The following AZIN2 variants were observed in gnomAD, a reference collection of about 807,000 sequenced individuals.
AZIN2 encodes the protein antizyme inhibitor 2, also known as ODC antizyme inhibitor-2.
AZIN2 carries 28 observed loss-of-function variants against 47.8 expected under a neutral mutation model. That is an observed-to-expected ratio of 0.59 (90% CI 0.43 to 0.80). AZIN2 has a LOEUF of 0.80. AZIN2 is among the 30% of genes least tolerant of loss of function. AZIN2 has a pLI of 0.00. For synonymous variants in AZIN2, 221 were observed against 239.4 expected (o/e 0.92, Z 0.71); for missense variants, 535 against 582.5 (o/e 0.92, Z 0.84).
At chr1:33,098,016 C>A in intron 9 of AZIN2, 51 bp from the exon 10 acceptor site, 1 of 1,378,914 alleles carries the variant, frequency 7.3e-7, no homozygotes. Flanking sequence ...GCCCCACTAC[C>A]ACCCCCTCAC....
At chr1:33,110,591 T>G (rs566160719) in intron 10 of AZIN2, among the ~76,000 whole-genome samples, 7 of 152,186 alleles carry the variant, frequency 4.6e-5, no homozygotes, top group African/African-American at 1.7e-4. Context: ...ATATGAAAAT[T>G]GAAATTATGG....
chr1:33,147,236 G>A, the AZIN2 span: 1 of 1,614,062 alleles, frequency 6.2e-7, no homozygotes, highest in Non-Finnish European at 8.5e-7. This position sits in a 1 kb window ranked among gnomAD's most constrained non-coding sequence, Gnocchi z 8.1. Context: ...GCGTGGCTCT[G>A]GCCAGGGCTG....
chr1:33,107,134 A>G (rs1255090184), intron 10 of AZIN2, among the ~76,000 whole-genome samples: 1 of 151,224 alleles, frequency 6.6e-6, no homozygotes, highest in African/African-American at 2.4e-5. Context: ...GAGATACAAA[A>G]TTATCCAGGC....
intron 10 of AZIN2, among the ~76,000 whole-genome samples, chr1:33,099,485 C>G (rs1643485821): frequency 1.3e-5 from 2 of 152,200 alleles, no homozygotes; most frequent in South Asian, 4.1e-4. Flanking sequence ...CCAGGCCAGC[C>G]AGCTTACAGA....
At chr1:33,103,262 C>T (rs1230693740) in intron 10 of AZIN2, among the ~76,000 whole-genome samples, 1 of 152,210 alleles carries the variant, frequency 6.6e-6, no homozygotes, top group African/African-American at 2.4e-5. Context: ...CTTACCACAA[C>T]GAGCAAGGCT....
the AZIN2 span, chr1:33,160,078 C>A: frequency 8.7e-7 from 1 of 1,154,088 alleles, no homozygotes; most frequent in Admixed American, 2.5e-5. Flanking sequence ...GGGGAAATGT[C>A]ACATGCAAAA....
chr1:33,085,527 A>G (rs1167833590), intron 5 of AZIN2, among the ~76,000 whole-genome samples: 1 of 151,740 alleles, frequency 6.6e-6, no homozygotes, highest in Admixed American at 6.6e-5. Context: ...CATTAGCACT[A>G]TTTTCTTGGT....
chr1:33,118,107 G>A lies in AZIN2; in HGVS notation c.1235G>A (p.Arg412Gln), dbSNP rs758925873. 8.6e-6 allele frequency: 13 copies of A among 1,508,546 alleles called. No individual in the cohort carries two copies. Among genetic ancestry groups the A allele is most frequent in the East Asian group, 2.4e-5 (1 of 42,370 alleles). The allele number at this position is 1,508,546 out of a possible 1,614,324, so 93.4% of individuals were successfully genotyped here. A position where few individuals can be genotyped will look rare whatever the true frequency, so the allele number is the denominator to read the frequency against. Reference protein sequence around the residue: ...QACHITYAMSRVAWEALRRQL... With the variant: ...QACHITYAMSQVAWEALRRQL... ...TGCCACATCACCTATGCCATGTCCC[G>A]GGTGGCCTGGTAAGAGGGCCCTGCT... The change falls in exon 11 of 12, where the codon CGG (arginine) becomes CAG (glutamine). Residue 412 changes from arginine to glutamine, a missense_variant. By Grantham distance (43) the Arg-to-Gln change is conservative (BLOSUM62 1). This residue lies in a region of AZIN2 where 122 missense variants were observed against 135.8 expected (regional missense o/e 0.90). Coordinates refer to ENST00000294517, the MANE Select transcript of AZIN2 (RefSeq NM_052998.4).
At position 33,088,078 on chromosome 1, in the gene AZIN2, C is replaced by A. The variant is rs1358886979; in HGVS notation, c.279+3951C>A. ...TTCCTAGGCCTCCCTGTCTTGTAAA[C>A]CCTCCTTCTTCTCAGAAGAAGGGTT... On this transcript the variant is annotated intron_variant, in intron 5 of 11. Transcript: ENST00000294517. Among the ~76,000 whole-genome samples the A allele has an allele frequency of 3.9e-5, 6 of 152,174 alleles. No individual in the cohort carries two copies. The East Asian group carries it at 1.2e-3, about 29-fold the overall frequency.
At chr1:33,128,195 C>G (rs1220396090), downstream of AZIN2, among the ~76,000 whole-genome samples, 16 of 142,470 alleles carry the variant, frequency 1.1e-4, no homozygotes. Flanking sequence ...TGAAACTCCC[C>G]ACCTCTCCAA....
At chr1:33,146,398 T>C in the AZIN2 span, 1 of 161,450 alleles carries the variant, frequency 6.2e-6, no homozygotes, top group South Asian at 1.7e-4. Flanking sequence ...TTGGCTGGAC[T>C]CTTGTTCAGA....
the AZIN2 span, among the ~76,000 whole-genome samples, chr1:33,162,361 T>G: frequency 6.6e-6 from 1 of 152,258 alleles, no homozygotes; most frequent in Non-Finnish European, 1.5e-5. Flanking sequence ...AAGACCTAGC[T>G]TGAAAGTGAC....
chr1:33,124,913 T>C (rs1348157504), downstream of AZIN2, among the ~76,000 whole-genome samples: 2 of 152,230 alleles, frequency 1.3e-5, no homozygotes, highest in Non-Finnish European at 2.9e-5. The surrounding 1 kb of genome is among the most constrained non-coding windows in gnomAD (Gnocchi z 4.6). Flanking sequence ...CTTAATCCAG[T>C]CTATCATTGA....
chr1:33,155,850 C>T, the AZIN2 span, among the ~76,000 whole-genome samples: 1 of 152,212 alleles, frequency 6.6e-6, no homozygotes, highest in Non-Finnish European at 1.5e-5. Flanking sequence ...GCACTGATTT[C>T]CCAGTCCCAA....
chr1:33,153,475 G>GTGGGTAC, the AZIN2 span, among the ~76,000 whole-genome samples: 1 of 152,226 alleles, frequency 6.6e-6, no homozygotes, highest in Non-Finnish European at 1.5e-5. Flanking sequence ...ACTGAGTGGG[G>GTGGGTAC]TGGCTACTGG....
At chr1:33,151,070 T>C in the AZIN2 span, among the ~76,000 whole-genome samples, 1 of 152,052 alleles carries the variant, frequency 6.6e-6, no homozygotes, top group African/African-American at 2.4e-5. Context: ...TTGTAGCTTA[T>C]GTAGGACAAT....
chr1:33,114,211 C>T (rs536883987), intron 10 of AZIN2, among the ~76,000 whole-genome samples: 15 of 149,664 alleles, frequency 1.0e-4, no homozygotes, highest in East Asian at 2.0e-4. Context: ...AACCTCCGTC[C>T]GGGTTCAAAT....
chr1:33,108,342 C>CTTTT (rs34834263), intron 10 of AZIN2, among the ~76,000 whole-genome samples: 1 of 134,758 alleles, frequency 7.4e-6, no homozygotes, highest in Non-Finnish European at 1.6e-5. Context: ...TTCAGATTGA[C>CTTTT]TTTTTTTTTT....
rs756434505 is a variant in AZIN2 at position 33,094,597 on chromosome 1, A to G, written c.637A>G (p.Ile213Val). Residue 213 changes from isoleucine to valine, a missense_variant, in exon 8 of 12, where the codon ATC becomes GTC. Transcript: ENST00000294517. ...CPDPQAYAQS[I>V]ADARLVFEMG... ...TGACCCTCAGGCCTATGCTCAGTCC[A>G]TCGCAGACGCCCGGCTCGTGTTTGA... 7 of 1,614,056 alleles carry G rather than the reference A, an allele frequency of 4.3e-6. No individual in the cohort carries two copies. Among genetic ancestry groups the G allele is most frequent in the South Asian group, 3.3e-5 (3 of 91,096 alleles).
Sources: gnomAD v4.1 joint callset for allele counts (sites outside exome capture counted in the v4.1 genomes callset) on GRCh38, gnomAD v4.1.1 for gene constraint, gnomAD v4.1.1 regional missense constraint, Gnocchi (gnomAD v3.1) non-coding constraint, MANE v1.5 for transcripts, NCBI Gene and HGNC (gene_info 2026-07-23, HGNC 2026-07-21) for gene names.